SENP6: variants seen among roughly 807,000 people sequenced by gnomAD.
SENP6 encodes sentrin-specific protease 6.
SENP6 carries 41 observed loss-of-function variants against 134.5 expected under a neutral mutation model. That is an observed-to-expected ratio of 0.30 (90% CI 0.24 to 0.40). The LOEUF is 0.40. SENP6 is among the 10% of genes least tolerant of loss of function. The pLI, the probability that SENP6 is intolerant of heterozygous loss-of-function variation, is 1.00. For missense variants in SENP6, 1,248 were observed against 1,312.5 expected, an observed-to-expected ratio of 0.95 and a Z score of 0.76; for synonymous variants, 395 against 429.8, an observed-to-expected ratio of 0.92 and a Z score of 1.00.
chr6:75,703,107 T>C, intron 19 of SENP6, 35 bp downstream of exon 19: 1 of 1,471,240 alleles, frequency 6.8e-7, no homozygotes, highest in Non-Finnish European at 9.2e-7. Context: ...AATGAAAAAA[T>C]TCAGAATAAT....
intron 16 of SENP6, among the ~76,000 whole-genome samples, chr6:75,691,023 T>TTTTTTG (rs1371820414): frequency 1.3e-5 from 2 of 151,398 alleles, no homozygotes; most frequent in African/African-American, 4.9e-5. Context: ...TTTTTTTTTT[T>TTTTTTG]TAATAGAGGC....
rs1023075405 is a variant in SENP6 at position 75,602,439 on chromosome 6, C to A, written c.-86C>A. 23 of 1,475,680 alleles carry A rather than the reference C, an allele frequency of 1.6e-5. No individual in the cohort carries two copies. The highest frequency in any genetic ancestry group is 2.1e-5 in the Non-Finnish European group (23 of 1,084,028). The allele number at this position is 1,475,680 out of a possible 1,614,324, so 91.4% of individuals were successfully genotyped here. A position where few individuals can be genotyped will look rare whatever the true frequency, so the allele number is the denominator to read the frequency against. ...AGGCCCGCAACCCTGCGGCGTCTAC[C>A]CTCCTCCGGCGCGGCCCCTCATCCC... On this transcript the variant is annotated 5_prime_UTR_variant, in exon 1 of 24. Coordinates refer to ENST00000447266, the MANE Select transcript of SENP6 (RefSeq NM_015571.4).
chr6:75,666,755 CAG>C lies in SENP6; in HGVS notation c.1040_1041del (p.Arg347LysfsTer10). The C allele has an allele frequency of 6.2e-7, 1 of 1,606,334 alleles. No individual in the cohort carries two copies. ...DDDDDNDRTN[R>X]RESISPQPAD... ...ATGATGATGACAACGACAGAACTAA[CAG>C]AAGAGAAAGCATATCTCCTCAGCCT... On this transcript the variant is annotated frameshift_variant, in exon 10 of 24. Coordinates refer to ENST00000447266, the MANE Select transcript of SENP6 (RefSeq NM_015571.4). LOFTEE classifies it high-confidence loss of function.
At chr6:75,670,394 A>G (rs1772576539) in intron 10 of SENP6, among the ~76,000 whole-genome samples, 159 bp from the exon 11 acceptor site, 1 of 152,228 alleles carries the variant, frequency 6.6e-6, no homozygotes, top group Non-Finnish European at 1.5e-5. Context: ...CTGTTATATA[A>G]AAACCATGAA....
In SENP6 at chr6:75,697,381, A is replaced by C. The variant is rs369356671; in HGVS notation, c.2196-44A>C. 79 of 1,332,024 alleles carry C rather than the reference A, an allele frequency of 5.9e-5. No homozygotes were observed. The African/African-American group carries it at 8.8e-4, about 15-fold the overall frequency. The allele number at this position is 1,332,024 out of a possible 1,614,324, so 82.5% of individuals were successfully genotyped here. ...TAAATCACTACATATAAGCTGGAGC[A>C]CTAGAAATATTTCAGAAGCTTATAA... On this transcript the variant is annotated intron_variant, in intron 17 of 23. Transcript: ENST00000447266.
At chr6:75,651,835 G>A (rs1346746865) in intron 7 of SENP6, among the ~76,000 whole-genome samples, 1 of 152,086 alleles carries the variant, frequency 6.6e-6, no homozygotes, top group Non-Finnish European at 1.5e-5. Context: ...CTCATTAAAA[G>A]ATGACAGACA....
intron 9 of SENP6, among the ~76,000 whole-genome samples, chr6:75,664,828 T>A (rs976691736): frequency 6.6e-6 from 1 of 152,224 alleles, no homozygotes; most frequent in African/African-American, 2.4e-5. Flanking sequence ...TCAGGCTGTT[T>A]CAGGCCTGGG....
chr6:75,643,498 A>G (rs994347587), intron 6 of SENP6, among the ~76,000 whole-genome samples: 1 of 152,208 alleles, frequency 6.6e-6, no homozygotes, highest in African/African-American at 2.4e-5. Context: ...AAATAAATGT[A>G]AAGCCTCCCC....
chr6:75,648,344 A>T (rs189167252), intron 7 of SENP6, among the ~76,000 whole-genome samples: 74 of 152,308 alleles, frequency 4.9e-4, no homozygotes, highest in Admixed American at 9.1e-4. Flanking sequence ...ATATATCATC[A>T]TAAAATCAGT....
At chr6:75,714,195 T>A (rs1424185633) in intron 23 of SENP6, among the ~76,000 whole-genome samples, 1 of 152,198 alleles carries the variant, frequency 6.6e-6, no homozygotes, top group Non-Finnish European at 1.5e-5. Flanking sequence ...ATTCTACAGA[T>A]TCTACTTCTC....
chr6:75,621,503 A>G (rs1264335544), intron 1 of SENP6, 29 bp from the exon 2 acceptor site: 1 of 1,281,246 alleles, frequency 7.8e-7, no homozygotes, highest in African/African-American at 1.5e-5. Context: ...CTATTAATGA[A>G]TACTTACTGC....
chr6:75,700,743 C>T (rs1452549580), intron 18 of SENP6, among the ~76,000 whole-genome samples: 1 of 152,230 alleles, frequency 6.6e-6, no homozygotes, highest in African/African-American at 2.4e-5. Context: ...ATGCCTGCCT[C>T]AACCTCCCAA....
chr6:75,692,017 C>T (rs1014197418), intron 16 of SENP6, among the ~76,000 whole-genome samples: 3 of 151,826 alleles, frequency 2.0e-5, no homozygotes, highest in Admixed American at 6.6e-5. Flanking sequence ...CTACCACACC[C>T]GGCTAGTTTT....
intron 3 of SENP6, among the ~76,000 whole-genome samples, chr6:75,631,013 T>C (rs1209093691): frequency 6.6e-6 from 1 of 152,054 alleles, no homozygotes; most frequent in African/African-American, 2.4e-5. Flanking sequence ...ATTTAATCCA[T>C]ACATTGGATT....
At chr6:75,684,874 G>A (rs189371210) in intron 16 of SENP6, among the ~76,000 whole-genome samples, 61 of 152,064 alleles carry the variant, frequency 4.0e-4, no homozygotes, top group Non-Finnish European at 1.5e-4. Context: ...TTTGTTGTGT[G>A]TCTCCCAGGC....
intron 2 of SENP6, 143 bp from the exon 3 acceptor site, chr6:75,623,757 G>T: frequency 1.7e-6 from 1 of 586,486 alleles, no homozygotes; most frequent in Non-Finnish European, 3.0e-6. Context: ...AGACCATATG[G>T]CCTGCAAAGA....
intron 2 of SENP6, among the ~76,000 whole-genome samples, chr6:75,622,312 C>T (rs1162278268): frequency 6.6e-6 from 1 of 152,184 alleles, no homozygotes; most frequent in East Asian, 1.9e-4. Flanking sequence ...AATCCCAACA[C>T]TTTGGAAGGC....
intron 6 of SENP6, among the ~76,000 whole-genome samples, chr6:75,642,018 G>A (rs1278518250): frequency 6.6e-6 from 1 of 152,172 alleles, no homozygotes; most frequent in Non-Finnish European, 1.5e-5. Flanking sequence ...GCTCTGCATG[G>A]GCATGGTGGC....
intron 16 of SENP6, among the ~76,000 whole-genome samples, chr6:75,685,265 C>G (rs1471172585): frequency 6.6e-6 from 1 of 151,810 alleles, no homozygotes; most frequent in Admixed American, 6.6e-5. Context: ...TTTATGGCAT[C>G]TATTTGATTC....
Sources: allele counts gnomAD v4.1 joint callset (sites outside exome capture counted in the v4.1 genomes callset), GRCh38; gene constraint gnomAD v4.1.1; transcripts MANE v1.5; gene names NCBI Gene and HGNC (gene_info 2026-07-23, HGNC 2026-07-21).